ASXL2: variants seen among roughly 807,000 people sequenced by gnomAD.
ASXL2 encodes ASXL transcriptional regulator 2.
ASXL2 carries 23 observed loss-of-function variants against 122.0 expected under a neutral mutation model. The ratio of observed to expected loss-of-function variants is 0.19; its 90% confidence interval spans 0.14 to 0.27. The LOEUF (loss-of-function observed/expected upper bound fraction) is 0.27, where lower values mean the gene tolerates loss of function less well. Among genes scored for constraint, ASXL2 ranks in the 10% least tolerant of loss-of-function variants. The pLI, the probability that ASXL2 is intolerant of heterozygous loss-of-function variation, is 1.00. For missense variants in ASXL2, 1,518 were observed against 1,713.8 expected, an observed-to-expected ratio of 0.89 and a Z score of 2.02; for synonymous variants, 650 against 637.0, an observed-to-expected ratio of 1.02 and a Z score of -0.31.
intron 5 of ASXL2, among the ~76,000 whole-genome samples, chr2:25,794,508 T>C (rs1373696925): frequency 2.6e-5 from 4 of 152,220 alleles, no homozygotes; most frequent in African/African-American, 9.6e-5. Context: ...TCTCTGAACA[T>C]TGTGTATCCT....
chr2:25,878,378 G>T lies in ASXL2; in HGVS notation c.-156C>A, dbSNP rs2090028466. 2 of 671,736 alleles carry T rather than the reference G, an allele frequency of 3.0e-6. No individual in the cohort carries two copies. Among genetic ancestry groups the T allele is most frequent in the Admixed American group, 2.8e-5 (1 of 35,200 alleles). The allele number at this position is 671,736 out of a possible 1,614,324, so 41.6% of individuals were successfully genotyped here. ...CACCCAAGCAGAGGAAGCGGCGGGGGTGGTGCGCGGGGGGGTCTATGGGGC... is the reference window on the plus strand; with the variant it reads ...CACCCAAGCAGAGGAAGCGGCGGGGTTGGTGCGCGGGGGGGTCTATGGGGC... On this transcript the variant is annotated 5_prime_UTR_variant, in exon 1 of 13. Transcript: ENST00000435504.
chr2:25,782,589 A>G (rs1457547263), intron 5 of ASXL2, among the ~76,000 whole-genome samples: 1 of 152,158 alleles, frequency 6.6e-6, no homozygotes, highest in African/African-American at 2.4e-5. Flanking sequence ...ATAATGTTAA[A>G]TAAGAATGGA....
intron 2 of ASXL2, among the ~76,000 whole-genome samples, chr2:25,844,256 A>G (rs933690341): frequency 6.6e-6 from 1 of 152,140 alleles, no homozygotes; most frequent in Non-Finnish European, 1.5e-5. Flanking sequence ...TAATTTTAAC[A>G]TTTCTTGATG....
rs2088126874 is a variant in ASXL2, at chr2:25,756,025, G to A, written c.1029C>T (p.Leu343=). Reference sequence around the variant, plus strand: ...ATTAAGTAGAGCACTTACCTTCTGAGAGTCTTTCCTTCCAGCCTTGGGCTG... The same window carrying A: ...ATTAAGTAGAGCACTTACCTTCTGAAAGTCTTTCCTTCCAGCCTTGGGCTG... ...TSAAQGWKER[L]SEGEFTPEMQ... Residue 343 remains leucine (L), a synonymous_variant, in exon 10 of 13, where the codon CTC becomes CTT. Transcript: ENST00000435504. The A allele has an allele frequency of 6.2e-7, 1 of 1,612,964 alleles. No homozygotes were observed. The highest frequency in any genetic ancestry group is 8.5e-7 in the Non-Finnish European group (1 of 1,179,030).
chr2:25,757,809 A>T lies in ASXL2; in HGVS notation c.939+1673T>A, dbSNP rs2149145235. On this transcript the variant is annotated intron_variant, in intron 9 of 12. Coordinates refer to ENST00000435504, the MANE Select transcript of ASXL2 (RefSeq NM_018263.6). ...CAATCCTCCAGATTTAGAACTTGAT[A>T]AAGAACATTAGTCAAAAGATAGTTC... is the stretch of plus-strand genomic sequence containing the variant. 3.9e-5 allele frequency among the ~76,000 whole-genome samples: 6 copies of T among 152,082 alleles called. 1 individual carries two copies. Among genetic ancestry groups the T allele is most frequent in the Admixed American group, 3.9e-4 (6 of 15,282 alleles).
chr2:25,803,668 T>C (rs2089032638), intron 4 of ASXL2, among the ~76,000 whole-genome samples: 1 of 152,186 alleles, frequency 6.6e-6, no homozygotes, highest in South Asian at 2.1e-4. Context: ...CATCAGGCAT[T>C]AGATTCTCAT....
At chr2:25,764,633 T>C (rs1015910847) in intron 8 of ASXL2, among the ~76,000 whole-genome samples, 40 of 152,322 alleles carry the variant, frequency 2.6e-4, no homozygotes, top group African/African-American at 9.6e-4. Context: ...TTTTGTTTAA[T>C]ATAAACAATG....
chr2:25,785,583 C>T (rs934030112), intron 5 of ASXL2, among the ~76,000 whole-genome samples: 4 of 151,714 alleles, frequency 2.6e-5, no homozygotes, highest in South Asian at 2.1e-4. Context: ...AGTCTCATTC[C>T]GTCCCCTGGC....
At chr2:25,852,927 A>C (rs2089733375) in intron 1 of ASXL2, among the ~76,000 whole-genome samples, 1 of 152,184 alleles carries the variant, frequency 6.6e-6, no homozygotes, top group Non-Finnish European at 1.5e-5. Flanking sequence ...GGGATTTAGC[A>C]CTGACTGGGA....
In ASXL2 at chr2:25,878,214, T is replaced by C. The variant is rs753491388; in HGVS notation, c.9A>G (p.Glu3=). 1 of 1,613,846 alleles carries C rather than the reference T, an allele frequency of 6.2e-7. No individual in the cohort carries two copies. Among genetic ancestry groups the C allele is most frequent in the Non-Finnish European group, 8.5e-7 (1 of 1,179,822 alleles). Reference sequence around the variant, plus strand: ...TCCTGCCCTTCTTCCTACGTCCCTTTTCCCTCATGTCGGGTCTTGAACTGA... The same window carrying C: ...TCCTGCCCTTCTTCCTACGTCCCTTCTCCCTCATGTCGGGTCTTGAACTGA... MR[E]KGRRKKGRTW... The change falls in exon 1 of 13, where the codon GAA becomes GAG. Residue 3 remains glutamate, a synonymous_variant. Coordinates refer to ENST00000435504, the MANE Select transcript of ASXL2 (RefSeq NM_018263.6).
At chr2:25,770,547 C>T (rs946496903) in intron 6 of ASXL2, among the ~76,000 whole-genome samples, 1 of 151,790 alleles carries the variant, frequency 6.6e-6, no homozygotes, top group Non-Finnish European at 1.5e-5. Context: ...TTGAGGTCAG[C>T]AGTTCAAGAC....
chr2:25,861,519 T>C (rs1371131913), intron 1 of ASXL2, among the ~76,000 whole-genome samples: 1 of 152,222 alleles, frequency 6.6e-6, no homozygotes, highest in African/African-American at 2.4e-5. Context: ...GGTTTACTAG[T>C]GAACTCCACA....
intron 1 of ASXL2, among the ~76,000 whole-genome samples, chr2:25,864,508 T>C (rs2089876743): frequency 6.6e-6 from 1 of 152,112 alleles, no homozygotes; most frequent in Admixed American, 6.5e-5. Context: ...ACACAGATGA[T>C]GACTCTAGCT....
intron 4 of ASXL2, among the ~76,000 whole-genome samples, chr2:25,803,488 T>A (rs1487128073): frequency 1.3e-5 from 2 of 152,126 alleles, no homozygotes; most frequent in Non-Finnish European, 2.9e-5. Flanking sequence ...GCCCTCAACC[T>A]GTGGAATCTG....
intron 1 of ASXL2, among the ~76,000 whole-genome samples, chr2:25,863,280 A>C (rs2089860891): frequency 6.6e-6 from 1 of 151,704 alleles, no homozygotes; most frequent in Non-Finnish European, 1.5e-5. Flanking sequence ...TAGTGAGCCA[A>C]GATCGCGCCA....
chr2:25,800,522 A>G (rs1201560919), intron 4 of ASXL2, among the ~76,000 whole-genome samples: 1 of 152,228 alleles, frequency 6.6e-6, no homozygotes, highest in African/African-American at 2.4e-5. Context: ...AAAAAAAGAA[A>G]AAGAAAGAAA....
At chr2:25,761,151 C>A (rs11688006) in intron 8 of ASXL2, among the ~76,000 whole-genome samples, 113,549 of 152,006 alleles carry the variant, frequency 0.75, 43,901 homozygotes, top group Non-Finnish European at 0.83. Context: ...CTGACTGAAG[C>A]TCAAGAATGA....
chr2:25,779,092 T>A (rs2088592038), intron 5 of ASXL2, among the ~76,000 whole-genome samples: 1 of 142,460 alleles, frequency 7.0e-6, no homozygotes, highest in East Asian at 2.0e-4. Context: ...TGATTTTTTT[T>A]TTTTTTTTTT....
intron 5 of ASXL2, among the ~76,000 whole-genome samples, chr2:25,785,965 T>G (rs1240579701): frequency 6.6e-6 from 1 of 152,202 alleles, no homozygotes; most frequent in Admixed American, 6.6e-5. Flanking sequence ...AGGCAAACCT[T>G]AGAGTTAAAC....
Sources: gnomAD v4.1 joint callset for allele counts (sites outside exome capture counted in the v4.1 genomes callset) on GRCh38, gnomAD v4.1.1 for gene constraint, MANE v1.5 for transcripts, NCBI Gene and HGNC (gene_info 2026-07-23, HGNC 2026-07-21) for gene names.